Variants in SAMD12 observed in about 807,000 individuals in gnomAD.
SAMD12 encodes the protein sterile alpha motif domain-containing protein 12.
Under a neutral mutation model 15.0 loss-of-function variants are expected in SAMD12, and 9 were observed. The observed-to-expected ratio is 0.60, with a 90% CI of 0.36 to 1.05. The LOEUF (loss-of-function observed/expected upper bound fraction) is 1.05, where lower values mean the gene tolerates loss of function less well. SAMD12 is among the 50% of genes least tolerant of loss of function. The pLI is 0.01. For synonymous variants in SAMD12, 86 were observed against 90.1 expected (o/e 0.96, Z 0.25); for missense variants, 230 against 234.2 (o/e 0.98, Z 0.12).
chr8:118,383,982 T>A (rs962870962), intron 3 of SAMD12, among the ~76,000 whole-genome samples: 1 of 151,006 alleles, frequency 6.6e-6, no homozygotes, highest in Admixed American at 6.6e-5. Flanking sequence ...CAGATAGTCA[T>A]AAGTGCTCTG....
intron 2 of SAMD12, among the ~76,000 whole-genome samples, chr8:118,556,530 G>T (rs185632927): frequency 4.8e-4 from 73 of 152,242 alleles, no homozygotes; most frequent in African/African-American, 1.8e-3. Flanking sequence ...TAATTTTGGG[G>T]CTCCAAGATT....
At chr8:118,221,444 G>A (rs1245801923) in intron 4 of SAMD12, among the ~76,000 whole-genome samples, 1 of 152,150 alleles carries the variant, frequency 6.6e-6, no homozygotes, top group Non-Finnish European at 1.5e-5. Flanking sequence ...CTGGACGTGA[G>A]TTTTGTTTAA....
intron 2 of SAMD12, 107 bp from the exon 3 acceptor site, chr8:118,440,068 G>C: frequency 9.2e-7 from 1 of 1,082,340 alleles, no homozygotes; most frequent in Non-Finnish European, 1.3e-6. Context: ...ATTCCCTGAA[G>C]ATAAATATCT....
chr8:118,304,757 C>G (rs1815226708), intron 4 of SAMD12, among the ~76,000 whole-genome samples: 1 of 73,512 alleles, frequency 1.4e-5, no homozygotes, highest in African/African-American at 4.7e-5. Context: ...GAGACTCCAT[C>G]TCATAAATAA....
chr8:118,259,024 T>C (rs1215680458), intron 4 of SAMD12, among the ~76,000 whole-genome samples: 2 of 152,014 alleles, frequency 1.3e-5, no homozygotes, highest in African/African-American at 4.8e-5. Flanking sequence ...AGACTAGAAA[T>C]AGCAAATTAG....
At chr8:118,297,926 T>G (rs1255868479) in intron 4 of SAMD12, among the ~76,000 whole-genome samples, 1 of 152,172 alleles carries the variant, frequency 6.6e-6, no homozygotes, top group Non-Finnish European at 1.5e-5. Context: ...TTATGCATTG[T>G]AGAAGCAGAA....
chr8:118,601,267 C>A (rs1305042259), intron 1 of SAMD12, among the ~76,000 whole-genome samples: 1 of 151,756 alleles, frequency 6.6e-6, no homozygotes, highest in Non-Finnish European at 1.5e-5. Flanking sequence ...TAAAAAAATT[C>A]TTAAATTTCT....
intron 4 of SAMD12, among the ~76,000 whole-genome samples, chr8:118,328,898 T>G (rs1030906553): frequency 6.6e-6 from 1 of 152,126 alleles, no homozygotes; most frequent in African/African-American, 2.4e-5. Flanking sequence ...AAAGCAAGCA[T>G]CCCATCTTCC....
chr8:118,156,698 G>A, the SAMD12 span, among the ~76,000 whole-genome samples: 2 of 152,128 alleles, frequency 1.3e-5, no homozygotes, highest in African/African-American at 4.8e-5. Flanking sequence ...CAAGGGCAAA[G>A]TTATCATATA....
chr8:118,192,306 A>T (rs1819428293), exon 5 of SAMD12: 1 of 152,164 alleles, frequency 6.6e-6, no homozygotes, highest in Admixed American at 6.6e-5. Context: ...TACATTTGGT[A>T]GATGTGTCTG....
At chr8:118,464,629 G>GA (rs1291020396) in intron 2 of SAMD12, among the ~76,000 whole-genome samples, 7 of 152,042 alleles carry the variant, frequency 4.6e-5, no homozygotes, top group African/African-American at 1.4e-4. Flanking sequence ...AGGATACACA[G>GA]AAAAAACTCT....
At chr8:118,582,749 C>T (rs1386259834) in intron 1 of SAMD12, among the ~76,000 whole-genome samples, 1 of 152,094 alleles carries the variant, frequency 6.6e-6, no homozygotes, top group African/African-American at 2.4e-5. Flanking sequence ...AAAATCATGG[C>T]CCATTTAGTA....
chr8:118,364,550 G>C (rs539092998), intron 4 of SAMD12, among the ~76,000 whole-genome samples: 4 of 152,262 alleles, frequency 2.6e-5, no homozygotes, highest in African/African-American at 9.6e-5. Flanking sequence ...GTGGAGTGCT[G>C]TGGGCTCTGA....
At chr8:118,177,582 G>A in the SAMD12 span, among the ~76,000 whole-genome samples, 1 of 152,124 alleles carries the variant, frequency 6.6e-6, no homozygotes, top group African/African-American at 2.4e-5. Flanking sequence ...AGCTAGGCAC[G>A]GTGGCTCATA....
At chr8:118,609,554 T>C (rs1479644530) in intron 1 of SAMD12, among the ~76,000 whole-genome samples, 1 of 152,180 alleles carries the variant, frequency 6.6e-6, no homozygotes, top group Middle Eastern at 3.2e-3. Context: ...TGGAGAGTCC[T>C]GAAGAGTTGG....
intron 4 of SAMD12, among the ~76,000 whole-genome samples, chr8:118,204,125 A>G (rs1308762350): frequency 6.6e-6 from 1 of 152,114 alleles, no homozygotes; most frequent in Non-Finnish European, 1.5e-5. Flanking sequence ...CTAATATTAA[A>G]TCATTTCTAA....
chr8:118,191,789 T>C (rs1586326835), exon 5 of SAMD12: 1 of 55,204 alleles, frequency 1.8e-5, no homozygotes, highest in African/African-American at 7.1e-5. Flanking sequence ...TATATATATA[T>C]ATATATATAT....
At chr8:118,380,475 T>A (rs950094821) in intron 3 of SAMD12, among the ~76,000 whole-genome samples, 2 of 152,204 alleles carry the variant, frequency 1.3e-5, no homozygotes, top group Non-Finnish European at 2.9e-5. Context: ...AACCTTTCTT[T>A]CCCTGTATAC....
At chr8:118,578,863 T>C (rs1435882466) in intron 2 of SAMD12, among the ~76,000 whole-genome samples, 1 of 152,174 alleles carries the variant, frequency 6.6e-6, no homozygotes, top group African/African-American at 2.4e-5. Context: ...CAGAATCTCC[T>C]TTCAACCTCA....
Sources: gnomAD v4.1 joint callset for allele counts (sites outside exome capture counted in the v4.1 genomes callset) on GRCh38, gnomAD v4.1.1 for gene constraint, MANE v1.5 for transcripts, NCBI Gene and HGNC (gene_info 2026-07-23, HGNC 2026-07-21) for gene names.